DDX10: variants seen among roughly 807,000 people sequenced by gnomAD.
DDX10 encodes the protein DEAD-box helicase 10, also known as probable ATP-dependent RNA helicase DDX10.
In DDX10, 74 loss-of-function variants were observed where a neutral mutation model predicts 104.3. The ratio of observed to expected loss-of-function variants is 0.71; its 90% CI spans 0.59 to 0.86. The LOEUF (loss-of-function observed/expected upper bound fraction) is 0.86, where lower values mean the gene tolerates loss of function less well. DDX10 is among the 40% of genes least tolerant of loss of function. DDX10 has a pLI of 0.00. For missense variants in DDX10, 952 were observed against 1,040.0 expected, an observed-to-expected ratio of 0.92 and a Z score of 1.16; for synonymous variants, 351 against 353.4, an observed-to-expected ratio of 0.99 and a Z score of 0.08.
intron 13 of DDX10, among the ~76,000 whole-genome samples, chr11:108,776,350 T>A (rs1591815324): frequency 6.6e-6 from 1 of 152,226 alleles, no homozygotes. Flanking sequence ...TATACAGATA[T>A]CTGAGGTACC....
At chr11:108,879,407 G>GTA (rs1295668748) in intron 16 of DDX10, among the ~76,000 whole-genome samples, 1 of 152,092 alleles carries the variant, frequency 6.6e-6, no homozygotes, top group Non-Finnish European at 1.5e-5. Context: ...TATAAATAGT[G>GTA]TATACTATAG....
At chr11:108,670,137 G>A (rs1321632068) in intron 1 of DDX10, among the ~76,000 whole-genome samples, 2 of 152,332 alleles carry the variant, frequency 1.3e-5, no homozygotes, top group South Asian at 4.1e-4. Flanking sequence ...GCGGGACTCT[G>A]TATAGAGAGA....
chr11:108,839,793 G>A (rs1364509979), intron 14 of DDX10, among the ~76,000 whole-genome samples: 2 of 152,172 alleles, frequency 1.3e-5, no homozygotes, highest in African/African-American at 2.4e-5. Flanking sequence ...CGAAAAAGAG[G>A]TCAGCACCTG....
intron 13 of DDX10, among the ~76,000 whole-genome samples, chr11:108,805,105 G>T (rs1158716157): frequency 6.6e-6 from 1 of 152,218 alleles, no homozygotes; most frequent in Admixed American, 6.5e-5. Context: ...GAAATAAATG[G>T]ATGGTAAATA....
intron 15 of DDX10, among the ~76,000 whole-genome samples, chr11:108,845,134 G>C (rs1862697099): frequency 6.6e-6 from 1 of 152,132 alleles, no homozygotes; most frequent in African/African-American, 2.4e-5. Flanking sequence ...CATGAACCCG[G>C]GAGGCGGAGC....
At chr11:108,841,053 A>G (rs1862630314) in intron 14 of DDX10, among the ~76,000 whole-genome samples, 1 of 152,202 alleles carries the variant, frequency 6.6e-6, no homozygotes, top group East Asian at 1.9e-4. Context: ...GAGCATCTCT[A>G]TTTTGTGACT....
rs185031594 is a variant in DDX10, at chr11:108,860,026, C to G, written c.2304+7817C>G. Among the ~76,000 whole-genome samples, 79 of 152,158 alleles carry G rather than the reference C, an allele frequency of 5.2e-4. 2 individuals carry two copies. In the East Asian group the frequency reaches 0.014, roughly 27 times the overall value. On this transcript the variant is annotated intron_variant, in intron 16 of 17. Transcript: ENST00000322536. Reference sequence around the variant, plus strand: ...CATGTAGATTCTTTCCTCCTTTCTTCTTCTTCTTGTTTTGTTTCATAACTC... The same window carrying G: ...CATGTAGATTCTTTCCTCCTTTCTTGTTCTTCTTGTTTTGTTTCATAACTC...
intron 15 of DDX10, among the ~76,000 whole-genome samples, chr11:108,845,032 T>TA (rs748479170): frequency 8.6e-5 from 13 of 151,568 alleles, no homozygotes; most frequent in Non-Finnish European, 1.5e-4. Flanking sequence ...CCATCTCTAC[T>TA]AAAAAAATAC....
In DDX10 at chr11:108,816,411, G is replaced by T. The variant is rs1228916646; in HGVS notation, c.1966-22035G>T. Among the ~76,000 whole-genome samples the T allele has an allele frequency of 2.6e-5, 4 of 152,244 alleles. No homozygotes were observed. The East Asian group carries it at 7.7e-4, about 29-fold the overall frequency. On this transcript the variant is annotated intron_variant, in intron 13 of 17. Transcript: ENST00000322536. The stretch of plus-strand genomic sequence containing the variant: ...CTTCGGACTCAGACCAAGAACCCGT[G>T]AGTTTTCTCTAAATCTTTTATCTCC...
At chr11:108,741,941 A>G (rs925707975) in intron 13 of DDX10, among the ~76,000 whole-genome samples, 4 of 152,164 alleles carry the variant, frequency 2.6e-5, no homozygotes, top group African/African-American at 9.7e-5. Context: ...ATTAGAGCAG[A>G]ACTGAAGGAC....
At chr11:108,826,357 G>C (rs1862395199) in intron 13 of DDX10, among the ~76,000 whole-genome samples, 1 of 152,082 alleles carries the variant, frequency 6.6e-6, no homozygotes, top group South Asian at 2.1e-4. Flanking sequence ...ATTAATACTT[G>C]CCAGAAAATG....
intron 16 of DDX10, among the ~76,000 whole-genome samples, chr11:108,878,623 TG>T (rs1863184413): frequency 6.6e-6 from 1 of 152,218 alleles, no homozygotes; most frequent in Admixed American, 6.5e-5. Flanking sequence ...ATGTTTCACT[TG>T]GTTCTTTCTT....
rs762193417 is a variant in DDX10 at position 108,770,137 on chromosome 11, T to TATTC, written c.1965+46687_1965+46690dup. Among the ~76,000 whole-genome samples the TATTC allele has an allele frequency of 3.2e-4, 48 of 152,316 alleles. 1 individual carries two copies. The South Asian group carries it at 8.7e-3, about 28-fold the overall frequency. On this transcript the variant is annotated intron_variant, in intron 13 of 17. Transcript: ENST00000322536. ...AAAAGGAGGAGTGTTTTTATTTATT[T>TATTC]ATTCATTCATTCATTTTAATTTTTG...
intron 2 of DDX10, among the ~76,000 whole-genome samples, chr11:108,674,691 T>G (rs1289077080): frequency 6.6e-6 from 1 of 152,086 alleles, no homozygotes; most frequent in African/African-American, 2.4e-5. Context: ...TTAAAAATTT[T>G]TGGTAGAGAT....
chr11:108,776,853 T>A (rs1461127724), intron 13 of DDX10, among the ~76,000 whole-genome samples: 1 of 152,226 alleles, frequency 6.6e-6, no homozygotes, highest in Non-Finnish European at 1.5e-5. Flanking sequence ...ACTTCAGTCC[T>A]ACAACCGGAA....
intron 13 of DDX10, among the ~76,000 whole-genome samples, chr11:108,825,796 C>T (rs1342392350): frequency 6.6e-6 from 1 of 152,008 alleles, no homozygotes; most frequent in Non-Finnish European, 1.5e-5. Flanking sequence ...ATTAATCATA[C>T]AGAAAAAAGA....
Position 108,940,310 on chromosome 11 carries a change from A to G in DDX10, c.2515A>G (p.Thr839Ala). The stretch of plus-strand genomic sequence containing the variant: ...CAGTGAAGTGGAAGACGTGGGACCA[A>G]CAAGTCATAACAGAAAGAAGGCCAG... The part of the protein sequence containing the change: ...SNSEVEDVGP[T>A]SHNRKKARWD... Residue 839 changes from threonine (T) to alanine (A), a missense_variant, in exon 18 of 18, where the codon ACA becomes GCA. By Grantham distance (58) the Thr-to-Ala change is moderately conservative. Around this residue, in one of 3 missense-constraint regions of DDX10, gnomAD observed 533 missense variants for 534.1 expected, o/e 1.00. Transcript: ENST00000322536. 1 of 1,614,080 alleles carries G rather than the reference A, an allele frequency of 6.2e-7. No homozygotes were observed. Among genetic ancestry groups the G allele is most frequent in the Non-Finnish European group, 8.5e-7 (1 of 1,180,020 alleles).
intron 13 of DDX10, among the ~76,000 whole-genome samples, chr11:108,724,273 T>G (rs1014511734): frequency 6.6e-6 from 1 of 151,918 alleles, no homozygotes; most frequent in Non-Finnish European, 1.5e-5. Flanking sequence ...TTTCTTTAAG[T>G]AACTAAAAAT....
At chr11:108,739,107 G>T (rs2094321863) in intron 13 of DDX10, among the ~76,000 whole-genome samples, 1 of 152,168 alleles carries the variant, frequency 6.6e-6, no homozygotes, top group African/African-American at 2.4e-5. Flanking sequence ...AAGGCTGTAT[G>T]CTATCCAGAC....
Sources: allele counts gnomAD v4.1 joint callset (sites outside exome capture counted in the v4.1 genomes callset), GRCh38; gene constraint gnomAD v4.1.1; regional missense constraint gnomAD v4.1.1; transcripts MANE v1.5; gene names NCBI Gene and HGNC (gene_info 2026-07-23, HGNC 2026-07-21).